Variants in SAMMSON observed in about 807,000 individuals in gnomAD.
SAMMSON encodes the protein long intergenic non-protein coding RNA 1212.
intron 7 of SAMMSON, among the ~76,000 whole-genome samples, chr3:70,341,371 T>G (rs1394713535): frequency 6.6e-6 from 1 of 152,100 alleles, no homozygotes; most frequent in Non-Finnish European, 1.5e-5. Flanking sequence ...AATATTGTTT[T>G]TTTCCACCAA....
chr3:70,347,516 C>T (rs1448026283), intron 7 of SAMMSON, among the ~76,000 whole-genome samples: 2 of 152,108 alleles, frequency 1.3e-5, no homozygotes, highest in East Asian at 3.9e-4. Context: ...ATGCTTTATG[C>T]TTCTCTGTAG....
intron 4 of SAMMSON, among the ~76,000 whole-genome samples, chr3:70,229,013 G>A (rs76028503): frequency 0.033 from 5,051 of 152,172 alleles, 108 homozygotes; most frequent in South Asian, 0.11. Context: ...GAGGCTAATG[G>A]GATACCAATG....
At chr3:70,294,423 A>AT (rs2106696070) in intron 7 of SAMMSON, among the ~76,000 whole-genome samples, 1 of 152,246 alleles carries the variant, frequency 6.6e-6, no homozygotes, top group African/African-American at 2.4e-5. Context: ...TACGTAGGAG[A>AT]ATATAGAAAG....
intron 6 of SAMMSON, among the ~76,000 whole-genome samples, chr3:70,253,758 A>G (rs1701790528): frequency 1.3e-5 from 2 of 152,164 alleles, no homozygotes; most frequent in Non-Finnish European, 2.9e-5. Context: ...AAAAGAAAAT[A>G]TTTTATCCAG....
At chr3:70,132,984 A>T (rs557428877) in intron 4 of SAMMSON, among the ~76,000 whole-genome samples, 102 of 152,224 alleles carry the variant, frequency 6.7e-4, no homozygotes, top group African/African-American at 2.3e-3. Flanking sequence ...TGAATAAATG[A>T]GAGAAACAAG....
chr3:70,096,990 T>C (rs988733543), intron 4 of SAMMSON, among the ~76,000 whole-genome samples: 4 of 152,208 alleles, frequency 2.6e-5, no homozygotes, highest in African/African-American at 9.6e-5. Context: ...GAAGAAGACA[T>C]GATCATATGG....
intron 2 of SAMMSON, among the ~76,000 whole-genome samples, chr3:70,397,864 T>G (rs903213880): frequency 6.6e-6 from 1 of 152,312 alleles, no homozygotes; most frequent in East Asian, 1.9e-4. Context: ...TATAACACTA[T>G]CCTTTATTTG....
chr3:70,002,812 T>C (rs543308349), intron 1 of SAMMSON, among the ~76,000 whole-genome samples: 6 of 152,300 alleles, frequency 3.9e-5, no homozygotes, highest in African/African-American at 9.6e-5. Flanking sequence ...CATGTGCCTG[T>C]GAAGAATGTG....
chr3:70,342,906 T>C lies in SAMMSON; in HGVS notation n.740-11269T>C, dbSNP rs375799312. ...GTAAAGAGGTGGCTTGTTCCTATAT[T>C]ATAGTTGAAGTCATTCAGCATTGGC... On this transcript the variant is annotated intron_variant and non_coding_transcript_variant, in intron 7 of 9. Transcript: ENST00000642114. Among the ~76,000 whole-genome samples the C allele has an allele frequency of 8.5e-5, 13 of 152,288 alleles. No homozygotes were observed. The East Asian group carries it at 1.4e-3, about 16-fold the overall frequency.
At chr3:70,010,905 CACTG>C (rs755843573) in intron 1 of SAMMSON, among the ~76,000 whole-genome samples, 2 of 152,038 alleles carry the variant, frequency 1.3e-5, no homozygotes, top group Non-Finnish European at 2.9e-5. Flanking sequence ...TCGTGAGACT[CACTG>C]ACTATCGTGA....
intron 9 of SAMMSON, among the ~76,000 whole-genome samples, chr3:70,367,871 A>C (rs1444689649): frequency 6.6e-6 from 1 of 151,156 alleles, no homozygotes; most frequent in Admixed American, 6.6e-5. Context: ...CTTTCTCCGT[A>C]TCCTTGCCAG....
chr3:70,218,381 C>A (rs1055234037), intron 4 of SAMMSON, among the ~76,000 whole-genome samples: 1 of 152,086 alleles, frequency 6.6e-6, no homozygotes, highest in Non-Finnish European at 1.5e-5. Context: ...CTATTTTTCC[C>A]TTTTTTACTA....
chr3:70,249,136 A>G (rs1575606340), exon 5 of SAMMSON: 1 of 152,128 alleles, frequency 6.6e-6, no homozygotes, highest in South Asian at 2.1e-4. Context: ...CTTCAGATCG[A>G]TGTGGATGTA....
rs1233046841 is a variant in SAMMSON, at chr3:70,089,640, G to A, written n.507+18075G>A. 2.0e-5 allele frequency among the ~76,000 whole-genome samples: 3 copies of A among 152,210 alleles called. No homozygotes were observed. In the East Asian group the frequency reaches 5.8e-4, roughly 29 times the overall value. ...TTGTGTTTCTCCATTGGGAAAATGC[G>A]TGTCAGAACGGCACCTACCTCTTTG... On this transcript the variant is annotated intron_variant and non_coding_transcript_variant, in intron 4 of 9. Transcript: ENST00000642114.
chr3:70,114,288 G>A lies in SAMMSON; in HGVS notation n.507+42723G>A, dbSNP rs189481315. Among the ~76,000 whole-genome samples, 186 of 152,292 alleles carry A rather than the reference G, an allele frequency of 1.2e-3. 1 individual carries two copies. The highest frequency in any genetic ancestry group is 4.4e-3 in the African/African-American group (181 of 41,576). ...TATGTTTTGTGGAGCATTGCAATGA[G>A]TAGATTACCCCGTGTGTACAAGGGT... On this transcript the variant is annotated intron_variant and non_coding_transcript_variant, in intron 4 of 9. Transcript: ENST00000642114.
intron 9 of SAMMSON, among the ~76,000 whole-genome samples, chr3:70,374,809 T>G (rs1036068561): frequency 2.0e-5 from 3 of 152,338 alleles, no homozygotes; most frequent in African/African-American, 7.2e-5. Flanking sequence ...GCCACACTTT[T>G]TTCCTGTGGT....
chr3:70,147,588 C>T lies in SAMMSON; in HGVS notation n.507+76023C>T, dbSNP rs2067554495. On this transcript the variant is annotated intron_variant and non_coding_transcript_variant, in intron 4 of 9. Transcript: ENST00000642114. The stretch of plus-strand genomic sequence containing the variant: ...GTCTTTTCAACAAATAGTCTTGGAA[C>T]AATGGAAAAACCATATGCAAGAAAA... 2.0e-5 allele frequency among the ~76,000 whole-genome samples: 3 copies of T among 152,098 alleles called. No homozygotes were observed. In the South Asian group the frequency reaches 6.2e-4, roughly 32 times the overall value.
intron 4 of SAMMSON, among the ~76,000 whole-genome samples, chr3:70,168,764 CA>C (rs2067648124): frequency 6.6e-6 from 1 of 151,966 alleles, no homozygotes; most frequent in African/African-American, 2.4e-5. Context: ...AATTTATTAG[CA>C]TATACCTTGC....
intron 4 of SAMMSON, among the ~76,000 whole-genome samples, chr3:70,200,144 C>T (rs533046696): frequency 2.6e-5 from 4 of 152,204 alleles, no homozygotes; most frequent in Non-Finnish European, 4.4e-5. Context: ...CTGCTCACCA[C>T]CTGCAGGGCC....
Sources: allele counts gnomAD v4.1 joint callset (sites outside exome capture counted in the v4.1 genomes callset), GRCh38; gene constraint gnomAD v4.1.1; transcripts MANE v1.5; gene names NCBI Gene and HGNC (gene_info 2026-07-23, HGNC 2026-07-21).